Variants in RBFOX1 observed in about 807,000 individuals in gnomAD.
RBFOX1 encodes RNA binding fox-1 homolog 1, also known as RNA binding protein fox-1 homolog 1.
A neutral mutation model predicts 57.7 loss-of-function variants in RBFOX1; 8 were observed. The observed-to-expected ratio is 0.14, with a 90% CI of 0.08 to 0.25. The LOEUF (loss-of-function observed/expected upper bound fraction) is 0.25, where lower values mean the gene tolerates loss of function less well. Ranked by LOEUF, RBFOX1 falls within the 10% of genes least tolerant of loss-of-function variation. The pLI is 1.00. For synonymous variants in RBFOX1, 326 were observed against 222.4 expected, an observed-to-expected ratio of 1.47 and a Z score of -4.15; for missense variants, 611 against 548.5, an observed-to-expected ratio of 1.11 and a Z score of -1.14.
At chr16:6,803,859 T>C (rs533355262) in intron 3 of RBFOX1, among the ~76,000 whole-genome samples, 1 of 152,304 alleles carries the variant, frequency 6.6e-6, no homozygotes, top group Admixed American at 6.5e-5. Flanking sequence ...CCTTTTACAA[T>C]AAAAAACCAT....
intron 2 of RBFOX1, among the ~76,000 whole-genome samples, chr16:5,470,722 A>C (rs959175404): frequency 3.3e-5 from 5 of 152,046 alleles, no homozygotes; most frequent in African/African-American, 1.2e-4. Context: ...CACTGCTTGT[A>C]AGTGGCAGAG....
intron 4 of RBFOX1, among the ~76,000 whole-genome samples, chr16:7,085,356 T>C (rs1045844669): frequency 6.6e-6 from 1 of 151,600 alleles, no homozygotes; most frequent in Non-Finnish European, 1.5e-5. Flanking sequence ...CAGCCAGTAC[T>C]TCAAAAAAAA....
At chr16:7,022,957 G>T (rs2039751163) in intron 3 of RBFOX1, among the ~76,000 whole-genome samples, 1 of 152,140 alleles carries the variant, frequency 6.6e-6, no homozygotes, top group Non-Finnish European at 1.5e-5. Context: ...AATAGACACA[G>T]CCAGGAAGGA....
intron 1 of RBFOX1, among the ~76,000 whole-genome samples, chr16:5,362,393 G>A (rs973642839): frequency 2.7e-5 from 4 of 150,852 alleles, no homozygotes; most frequent in East Asian, 3.9e-4. Context: ...ACAGAGTTTC[G>A]CTCTTGTTGC....
At chr16:5,642,145 G>C (rs919461391) in intron 3 of RBFOX1, among the ~76,000 whole-genome samples, 1 of 152,164 alleles carries the variant, frequency 6.6e-6, no homozygotes, top group Non-Finnish European at 1.5e-5. Flanking sequence ...ATTCACTTTA[G>C]AGGCCATGTG....
At chr16:6,297,932 A>T (rs541430768) in intron 1 of RBFOX1, among the ~76,000 whole-genome samples, 2 of 152,274 alleles carry the variant, frequency 1.3e-5, no homozygotes, top group East Asian at 3.9e-4. Context: ...CCACCGCTCA[A>T]TAAAACACCT....
chr16:6,703,637 G>A (rs1367723538), intron 3 of RBFOX1, among the ~76,000 whole-genome samples: 2 of 152,086 alleles, frequency 1.3e-5, no homozygotes, highest in Non-Finnish European at 2.9e-5. Context: ...AGCCTGAGAA[G>A]TTGAGGCTGC....
At chr16:5,646,241 G>A (rs892373104) in intron 3 of RBFOX1, among the ~76,000 whole-genome samples, 6 of 149,106 alleles carry the variant, frequency 4.0e-5, no homozygotes, top group African/African-American at 1.5e-4. Flanking sequence ...TAGCCAGGAT[G>A]GTCTCAATCT....
intron 13 of RBFOX1, among the ~76,000 whole-genome samples, chr16:7,668,200 C>A (rs549182983): frequency 6.6e-6 from 1 of 152,126 alleles, no homozygotes; most frequent in Non-Finnish European, 1.5e-5. Flanking sequence ...CAAGGTCTTT[C>A]CATGCCTACC....
intron 2 of RBFOX1, among the ~76,000 whole-genome samples, chr16:6,462,589 GT>G (rs780335079): frequency 2.0e-5 from 3 of 152,110 alleles, no homozygotes; most frequent in Non-Finnish European, 4.4e-5. Flanking sequence ...CATTTGGCAC[GT>G]ATTTCTTTCA....
At chr16:5,463,188 C>G (rs1049501426) in intron 1 of RBFOX1, among the ~76,000 whole-genome samples, 6 of 152,174 alleles carry the variant, frequency 3.9e-5, no homozygotes, top group Non-Finnish European at 7.3e-5. Flanking sequence ...GGAGTTTTCT[C>G]TTCCTTTATA....
chr16:7,303,292 C>A (rs1385509354), intron 4 of RBFOX1, among the ~76,000 whole-genome samples: 2 of 152,344 alleles, frequency 1.3e-5, no homozygotes, highest in African/African-American at 4.8e-5. Flanking sequence ...GCAGAAACCT[C>A]CTCCCCTCCC....
intron 3 of RBFOX1, among the ~76,000 whole-genome samples, chr16:6,665,188 C>G (rs759528905): frequency 6.6e-6 from 1 of 152,158 alleles, no homozygotes; most frequent in African/African-American, 2.4e-5. Context: ...TTTTCAGTGG[C>G]TTAGTAAAGT....
chr16:7,449,872 G>C (rs1295146637), intron 4 of RBFOX1, among the ~76,000 whole-genome samples: 2 of 152,070 alleles, frequency 1.3e-5, no homozygotes, highest in Non-Finnish European at 2.9e-5. Context: ...TCTCAAATGC[G>C]AGGGGCTTGA....
chr16:5,511,756 C>T (rs777227053), intron 2 of RBFOX1, among the ~76,000 whole-genome samples: 1 of 152,196 alleles, frequency 6.6e-6, no homozygotes, highest in Non-Finnish European at 1.5e-5. Context: ...ATTGAACCTC[C>T]TATTCACCAT....
At chr16:7,107,832 T>G (rs1259678837) in intron 4 of RBFOX1, among the ~76,000 whole-genome samples, 1 of 152,176 alleles carries the variant, frequency 6.6e-6, no homozygotes, top group Non-Finnish European at 1.5e-5. Flanking sequence ...CTTAAACATC[T>G]CTAACAATAA....
chr16:7,550,125 C>A (rs762803053), intron 5 of RBFOX1, among the ~76,000 whole-genome samples: 2 of 152,010 alleles, frequency 1.3e-5, no homozygotes, highest in African/African-American at 4.8e-5. Context: ...AGATGGAGGT[C>A]TTTCTATGTT....
At chr16:7,562,369 C>T (rs2090592003) in intron 5 of RBFOX1, among the ~76,000 whole-genome samples, 2 of 152,108 alleles carry the variant, frequency 1.3e-5, no homozygotes, top group African/African-American at 4.8e-5. Context: ...CCTGAAGTTA[C>T]AGAAGAGGGC....
intron 4 of RBFOX1, among the ~76,000 whole-genome samples, chr16:7,294,761 A>G (rs191929717): frequency 5.8e-4 from 87 of 149,936 alleles, no homozygotes; most frequent in South Asian, 1.5e-3. Context: ...TAGATATTGT[A>G]AAAAATGATG....
Sources: allele counts gnomAD v4.1 joint callset (sites outside exome capture counted in the v4.1 genomes callset), GRCh38; gene constraint gnomAD v4.1.1; transcripts MANE v1.5; gene names NCBI Gene and HGNC (gene_info 2026-07-23, HGNC 2026-07-21).